Variants in PAPLN observed in about 807,000 individuals in gnomAD.
PAPLN encodes papilin, proteoglycan like sulfated glycoprotein, also known as papilin.
PAPLN carries 146 observed loss-of-function variants against 159.0 expected under a neutral mutation model. The ratio of observed to expected loss-of-function variants is 0.92; its 90% CI spans 0.80 to 1.05. The LOEUF (loss-of-function observed/expected upper bound fraction) is 1.05, where lower values mean the gene tolerates loss of function less well. Among genes scored for constraint, PAPLN ranks in the 50% least tolerant of loss-of-function variants. PAPLN has a pLI of 0.00. For synonymous variants in PAPLN, 734 were observed against 702.9 expected, an observed-to-expected ratio of 1.04 and a Z score of -0.70; for missense variants, 1,720 against 1,743.9, an observed-to-expected ratio of 0.99 and a Z score of 0.24.
rs1474283325 is a variant in PAPLN, at chr14:73,262,575, A to G, written c.2471A>G (p.His824Arg). ...PQPGASGRST[H>R]TDGGGSSPAG... ...CCTGGGGCTTCTGGAAGGAGCACCC[A>G]CACGGATGGTGGCGGCAGCAGTCCT... is the stretch of plus-strand genomic sequence containing the variant. Residue 824 changes from histidine (H) to arginine (R), a missense_variant, in exon 19 of 27, where the codon CAC (histidine) becomes CGC (arginine). Coordinates refer to ENST00000644200, the MANE Select transcript of PAPLN (RefSeq NM_001365906.3). 1 of 1,565,014 alleles carries G rather than the reference A, an allele frequency of 6.4e-7. No individual in the cohort carries two copies. The highest frequency in any genetic ancestry group is 1.4e-5 in the African/African-American group (1 of 73,904).
chr14:73,271,797 G>A (rs1174024281), intron 26 of PAPLN, among the ~76,000 whole-genome samples: 1 of 152,202 alleles, frequency 6.6e-6, no homozygotes, highest in Non-Finnish European at 1.5e-5. Flanking sequence ...ACCACACCCA[G>A]CTGAATGAAA....
intron 22 of PAPLN, 36 bp downstream of exon 22, chr14:73,264,762 C>T (rs373264996): frequency 3.4e-5 from 55 of 1,609,884 alleles, no homozygotes; most frequent in Admixed American, 1.9e-4. Context: ...CCCTCCCCCA[C>T]GCCAGGGCCA....
At position 73,246,143 on chromosome 14, in the gene PAPLN, G is replaced by A. The variant is rs762427048; in HGVS notation, c.302G>A (p.Gly101Glu). The change falls in exon 5 of 27, where the codon GGG becomes GAG. Residue 101 changes from glycine to glutamate, a missense_variant. Gly to Glu is a moderately conservative substitution (Grantham distance 98). Coordinates refer to ENST00000644200, the MANE Select transcript of PAPLN (RefSeq NM_001365906.3). ...GAGTTCGACGGAGCGGAGTTCCAGG[G>A]GCGGCGGTATCGGTGGCTGCCCTAC... Reference protein sequence around the residue: ...CAEFDGAEFQGRRYRWLPYYS... With the variant: ...CAEFDGAEFQERRYRWLPYYS... 5 of 1,591,648 alleles carry A rather than the reference G, an allele frequency of 3.1e-6. No homozygotes were observed. In the Admixed American group the frequency reaches 7.1e-5, roughly 22 times the overall value.
intron 2 of PAPLN, 142 bp downstream of exon 2, chr14:73,239,974 G>A (rs1405682129): frequency 2.0e-5 from 28 of 1,414,118 alleles, no homozygotes; most frequent in Non-Finnish European, 2.4e-5. Context: ...GCACCGCTGA[G>A]CTCCCTCAGA....
At position 73,246,218 on chromosome 14, in the gene PAPLN, C is replaced by A. The variant is rs148927614; in HGVS notation, c.334+43C>A. 6.3e-4 allele frequency: 932 copies of A among 1,468,150 alleles called. 2 individuals carry two copies. The highest frequency in any genetic ancestry group is 4.5e-3 in the African/African-American group (307 of 67,508). 90.9% of individuals were successfully genotyped at this position (1,468,150 alleles called of 1,614,324 possible). On this transcript the variant is annotated intron_variant, in intron 5 of 26. Transcript: ENST00000644200. ...TCGCTCTCTCGGGGCCTCTTGTATA[C>A]CTACGTTGATGCCACAGTTCCTATT... is the stretch of plus-strand genomic sequence containing the variant.
intron 26 of PAPLN, among the ~76,000 whole-genome samples, chr14:73,270,165 G>C (rs1173307410): frequency 6.6e-6 from 1 of 152,322 alleles, no homozygotes; most frequent in Non-Finnish European, 1.5e-5. Context: ...TCTGTCCGGG[G>C]CCTCGCTCGG....
rs1231374046 is a variant in PAPLN, at chr14:73,253,949, G to C, written c.1290G>C (p.Glu430Asp). 1.2e-6 allele frequency: 2 copies of C among 1,611,000 alleles called. No homozygotes were observed. Among genetic ancestry groups the C allele is most frequent in the Admixed American group, 3.3e-5 (2 of 59,924 alleles). The change falls in exon 12 of 27, where the codon GAG becomes GAC. Residue 430 changes from glutamate to aspartate, a missense_variant. Glu to Asp is a conservative substitution (Grantham distance 45, BLOSUM62 2). Coordinates refer to ENST00000644200, the MANE Select transcript of PAPLN (RefSeq NM_001365906.3). ...AGCGCTGTGCAGCCTGGAGCCCGGA[G>C]CCCTGGGGAGAGGTCAGGCCCCTGG... is the stretch of plus-strand genomic sequence containing the variant. ...NLQRCAAWSPEPWGECSVSCG... is the reference protein window; with the variant it reads ...NLQRCAAWSPDPWGECSVSCG...
rs1886272885 is a variant in PAPLN, at chr14:73,259,209, CA to C, written c.1709-59del. On this transcript the variant is annotated intron_variant, in intron 15 of 26. Transcript: ENST00000644200. Reference sequence around the variant, plus strand: ...CGGAGGAAGGTGGGTCCAACGTGGACAGGGGTGGAGGGGAGGAGCCAGGTGG... The same window carrying C: ...CGGAGGAAGGTGGGTCCAACGTGGACGGGGTGGAGGGGAGGAGCCAGGTGG... 10 of 1,527,472 alleles carry C rather than the reference CA, an allele frequency of 6.5e-6. No homozygotes were observed. The South Asian group carries it at 9.1e-5, about 14-fold the overall frequency. 94.6% of individuals were successfully genotyped at this position (1,527,472 alleles called of 1,614,324 possible).
rs368511037 is a variant in PAPLN at position 73,246,140 on chromosome 14, A to T, written c.299A>T (p.Gln100Leu). ...GCGGAGTTCGACGGAGCGGAGTTCC[A>T]GGGGCGGCGGTATCGGTGGCTGCCC... ...QCAEFDGAEFQGRRYRWLPYY... is the reference protein window; with the variant it reads ...QCAEFDGAEFLGRRYRWLPYY... Residue 100 changes from glutamine to leucine, a missense_variant, in exon 5 of 27, where the codon CAG becomes CTG. Physicochemically the swap from Gln to Leu is moderately radical, Grantham distance 113. Coordinates refer to ENST00000644200, the MANE Select transcript of PAPLN (RefSeq NM_001365906.3). 1.6e-4 allele frequency: 252 copies of T among 1,588,450 alleles called. 1 individual carries two copies. Among genetic ancestry groups the T allele is most frequent in the Non-Finnish European group, 2.1e-4 (243 of 1,170,552 alleles).
Position 73,252,695 on chromosome 14 carries a change from C to A in PAPLN, c.1014C>A (p.Tyr338Ter), listed in dbSNP as rs1230782784. 1.3e-5 allele frequency: 21 copies of A among 1,613,346 alleles called. No individual in the cohort carries two copies. Among genetic ancestry groups the A allele is most frequent in the African/African-American group, 2.7e-5 (2 of 74,936 alleles). ...LVFCTIDHEA[Y>*]PDHMCQRQPR... ...TCTGCACCATCGACCATGAGGCCTA[C>A]CCCGACCACATGTGCCAGCGCCAGC... The change falls in exon 11 of 27, where the codon TAC becomes TAA. Residue 338 changes from tyrosine to a stop codon, truncating the protein, a stop_gained. Coordinates refer to ENST00000644200, the MANE Select transcript of PAPLN (RefSeq NM_001365906.3). LOFTEE classifies it high-confidence loss of function.
At chr14:73,238,158 G>A (rs1476931283) in intron 1 of PAPLN, among the ~76,000 whole-genome samples, 2 of 152,238 alleles carry the variant, frequency 1.3e-5, no homozygotes, top group Admixed American at 6.5e-5. Context: ...TGCGGACTGC[G>A]GCGGTCCCGG....
intron 10 of PAPLN, among the ~76,000 whole-genome samples, chr14:73,252,397 C>T (rs1885386386): frequency 2.9e-5 from 2 of 67,914 alleles, no homozygotes; most frequent in Admixed American, 3.5e-4. Context: ...AGGAGACAGA[C>T]TCCCTCAGGA....
Position 73,272,819 on chromosome 14 carries a change from C to T in PAPLN, c.*155C>T, listed in dbSNP as rs567217942. On this transcript the variant is annotated 3_prime_UTR_variant, in exon 27 of 27. Transcript: ENST00000644200. ...AAACCCACCCAGTGTTTAGCCTCAA[C>T]GGCAGCCAGTTACCAGCTTCTCTCT... 14 of 711,742 alleles carry T rather than the reference C, an allele frequency of 2.0e-5. No individual in the cohort carries two copies. Among genetic ancestry groups the T allele is most frequent in the South Asian group, 5.1e-5 (1 of 19,748 alleles). 44.1% of individuals were successfully genotyped at this position (711,742 alleles called of 1,614,324 possible).
rs1884054629 is a variant in PAPLN at position 73,245,092 on chromosome 14, C to A, written c.170+333C>A. On this transcript the variant is annotated intron_variant, in intron 3 of 26. Coordinates refer to ENST00000644200, the MANE Select transcript of PAPLN (RefSeq NM_001365906.3). This position sits in a 1 kb window ranked among gnomAD's most constrained non-coding sequence, Gnocchi z 4.2. ...CGGCAGTTCCCAATTCCTGTGGTTT[C>A]TTTACCGAGTACAGATGTTCCCCAC... The A allele has an allele frequency of 4.0e-6, 1 of 248,410 alleles. No individual in the cohort carries two copies. Among genetic ancestry groups the A allele is most frequent in the Non-Finnish European group, 7.9e-6 (1 of 127,280 alleles). The allele number at this position is 248,410 out of a possible 1,614,324, so 15.4% of individuals were successfully genotyped here. A position where few individuals can be genotyped will look rare whatever the true frequency, so the allele number is the denominator to read the frequency against.
At chr14:73,255,737 C>T (rs1885833693) in intron 14 of PAPLN, among the ~76,000 whole-genome samples, 1 of 152,112 alleles carries the variant, frequency 6.6e-6, no homozygotes, top group South Asian at 2.1e-4. Context: ...GTGATGGGGA[C>T]TCTATGAGCT....
chr14:73,249,931 G>A (rs1294375239), intron 5 of PAPLN, 53 bp from the exon 6 acceptor site: 5 of 1,544,536 alleles, frequency 3.2e-6, no homozygotes, highest in Non-Finnish European at 4.4e-6. Flanking sequence ...TGGGTCTTGG[G>A]GAGGGGCATC....
intron 18 of PAPLN, 124 bp from the exon 19 acceptor site, chr14:73,262,226 A>T: frequency 1.0e-6 from 1 of 971,800 alleles, no homozygotes; most frequent in South Asian, 1.6e-5. Flanking sequence ...GCCCCCAGAC[A>T]GGGGTGTAGA....
At position 73,264,727 on chromosome 14, in the gene PAPLN, G is replaced by T. The variant is rs1360270335; in HGVS notation, c.3125+1G>T. On this transcript the variant is annotated splice_donor_variant, in intron 22 of 26. Coordinates refer to ENST00000644200, the MANE Select transcript of PAPLN (RefSeq NM_001365906.3). LOFTEE classifies it high-confidence loss of function. ...CTTCACACCCACAGCCTGCAAACAG[G>T]TAAGAACTCAGCAATGCCATCTTGC... 2 of 1,612,798 alleles carry T rather than the reference G, an allele frequency of 1.2e-6. No homozygotes were observed. The highest frequency in any genetic ancestry group is 2.7e-5 in the African/African-American group (2 of 74,980).
At position 73,245,537 on chromosome 14, in the gene PAPLN, C is replaced by T. The variant is rs1200495036; in HGVS notation, c.171-99C>T. Reference sequence around the variant, plus strand: ...ACACCCTCTCACCTTGCTGCTCCCACTGGAGAGTCCCGCAGAAGTTGGGGC... The same window carrying T: ...ACACCCTCTCACCTTGCTGCTCCCATTGGAGAGTCCCGCAGAAGTTGGGGC... On this transcript the variant is annotated intron_variant, in intron 3 of 26. Coordinates refer to ENST00000644200, the MANE Select transcript of PAPLN (RefSeq NM_001365906.3). The surrounding 1 kb of genome is among the most constrained non-coding windows in gnomAD (Gnocchi z 4.2). The T allele has an allele frequency of 1.5e-6, 2 of 1,350,594 alleles. No individual in the cohort carries two copies. Among genetic ancestry groups the T allele is most frequent in the East Asian group, 2.5e-5 (1 of 39,506 alleles). The allele number at this position is 1,350,594 out of a possible 1,614,324, so 83.7% of individuals were successfully genotyped here.
Sources: allele counts gnomAD v4.1 joint callset (sites outside exome capture counted in the v4.1 genomes callset), GRCh38; gene constraint gnomAD v4.1.1; non-coding constraint Gnocchi (gnomAD v3.1); transcripts MANE v1.5; gene names NCBI Gene and HGNC (gene_info 2026-07-23, HGNC 2026-07-21).